Variants in NEK11 observed in about 807,000 individuals in gnomAD.
NEK11 encodes the protein NIMA related kinase 11.
NEK11 carries 72 observed loss-of-function variants against 80.7 expected under a neutral mutation model. The ratio of observed to expected loss-of-function variants is 0.89; its 90% CI spans 0.74 to 1.08. The LOEUF is 1.08. NEK11 is among the 50% of genes least tolerant of loss of function. NEK11 has a pLI of 0.00. For missense variants in NEK11, 764 were observed against 763.6 expected (o/e 1.00, Z -0.01); for synonymous variants, 251 against 260.7 (o/e 0.96, Z 0.36).
At chr3:131,075,119 C>T (rs1191573882) in intron 3 of NEK11, among the ~76,000 whole-genome samples, 1 of 152,174 alleles carries the variant, frequency 6.6e-6, no homozygotes. Flanking sequence ...TTAACCCCTG[C>T]TGTGTCCAAA....
chr3:131,338,124 G>A (rs1228517520), intron 17 of NEK11, among the ~76,000 whole-genome samples: 1 of 151,930 alleles, frequency 6.6e-6, no homozygotes, highest in Non-Finnish European at 1.5e-5. Flanking sequence ...ACGCCGCCAT[G>A]CCCGGCTTAT....
chr3:131,112,772 CAG>C (rs1484559478), intron 5 of NEK11, among the ~76,000 whole-genome samples: 1 of 152,088 alleles, frequency 6.6e-6, no homozygotes, highest in East Asian at 1.9e-4. Context: ...AGCACAGCCA[CAG>C]AGGTGGGAAA....
intron 14 of NEK11, among the ~76,000 whole-genome samples, chr3:131,200,857 T>C (rs1448767255): frequency 6.6e-6 from 1 of 152,214 alleles, no homozygotes. Flanking sequence ...GTGATTGGCT[T>C]TCTGTGCTGC....
At position 131,324,352 on chromosome 3, in the gene NEK11, T is replaced by C. The variant is rs371864816; in HGVS notation, c.1719-25205T>C. ...CCAAATGAAATGCAGATTTTAAAAT[T>C]CACTCTTAACTAAGGAAGCTGAATA... On this transcript the variant is annotated intron_variant, in intron 17 of 17. Transcript: ENST00000383366. Among the ~76,000 whole-genome samples the C allele has an allele frequency of 1.6e-4, 24 of 152,320 alleles. 1 individual carries two copies. Among genetic ancestry groups the C allele is most frequent in the African/African-American group, 5.8e-4 (24 of 41,574 alleles).
chr3:131,061,499 A>G (rs999418803), intron 3 of NEK11, among the ~76,000 whole-genome samples: 1 of 151,700 alleles, frequency 6.6e-6, no homozygotes, highest in South Asian at 2.1e-4. Flanking sequence ...GGTGTTGGCT[A>G]TATATAAAAT....
In NEK11 at chr3:131,098,539, T is replaced by A. The variant is rs143731088; in HGVS notation, c.337-11264T>A. Reference sequence around the variant, plus strand: ...CATATGTTTCTTGGCCACTTGTATATCTTCTTTTGAGGAGTGCCTGTTCAT... The same window carrying A: ...CATATGTTTCTTGGCCACTTGTATAACTTCTTTTGAGGAGTGCCTGTTCAT... On this transcript the variant is annotated intron_variant, in intron 4 of 17. Transcript: ENST00000383366. Among the ~76,000 whole-genome samples, 110 of 152,160 alleles carry A rather than the reference T, an allele frequency of 7.2e-4. 1 individual carries two copies. The highest frequency in any genetic ancestry group is 2.4e-3 in the African/African-American group (101 of 41,530).
At position 131,060,404 on chromosome 3, in the gene NEK11, C is replaced by T. The variant is rs75708859; in HGVS notation, c.171-20019C>T. On this transcript the variant is annotated intron_variant, in intron 3 of 17. Coordinates refer to ENST00000383366, the MANE Select transcript of NEK11 (RefSeq NM_024800.5). ...TCATCGAGGCAATTTATCTAGCCTTCTAATAATTCAATCCAAGTTTATCTG... is the reference window on the plus strand; with the variant it reads ...TCATCGAGGCAATTTATCTAGCCTTTTAATAATTCAATCCAAGTTTATCTG... 3.5e-3 allele frequency among the ~76,000 whole-genome samples: 526 copies of T among 152,238 alleles called. 8 individuals carry two copies. Among genetic ancestry groups the T allele is most frequent in the African/African-American group, 0.012 (501 of 41,532 alleles).
chr3:131,209,614 C>T (rs946805694), intron 14 of NEK11, among the ~76,000 whole-genome samples: 18 of 152,140 alleles, frequency 1.2e-4, no homozygotes, highest in African/African-American at 3.9e-4. Context: ...CCATCTGGTC[C>T]TGGACTTTTT....
intron 17 of NEK11, among the ~76,000 whole-genome samples, chr3:131,281,122 T>TTTA (rs201584725): frequency 0.018 from 2,788 of 152,338 alleles, 40 homozygotes; most frequent in East Asian, 0.084. Flanking sequence ...GGTTTATTGA[T>TTTA]TTCTTTTGCT....
intron 3 of NEK11, among the ~76,000 whole-genome samples, chr3:131,047,149 A>G (rs1288354975): frequency 6.6e-6 from 1 of 151,938 alleles, no homozygotes; most frequent in Non-Finnish European, 1.5e-5. Flanking sequence ...TTTATTATGT[A>G]TTCTATTTCA....
At chr3:131,117,986 C>T (rs1011127121) in intron 5 of NEK11, among the ~76,000 whole-genome samples, 2 of 152,106 alleles carry the variant, frequency 1.3e-5, no homozygotes, top group African/African-American at 2.4e-5. Context: ...GCCTGATTCC[C>T]CTGACCAGAA....
intron 17 of NEK11, among the ~76,000 whole-genome samples, chr3:131,331,596 C>G (rs1354167993): frequency 6.6e-6 from 1 of 152,190 alleles, no homozygotes; most frequent in African/African-American, 2.4e-5. Flanking sequence ...TAGGGAGTGC[C>G]AGACAGTGGG....
At chr3:131,291,912 C>T (rs1024142599) in intron 17 of NEK11, among the ~76,000 whole-genome samples, 5 of 152,140 alleles carry the variant, frequency 3.3e-5, no homozygotes, top group African/African-American at 7.2e-5. Context: ...ATTCTCTTGA[C>T]GTTGTCTTTC....
At chr3:131,249,099 A>C (rs2095654993) in intron 16 of NEK11, among the ~76,000 whole-genome samples, 1 of 152,070 alleles carries the variant, frequency 6.6e-6, no homozygotes, top group Non-Finnish European at 1.5e-5. Flanking sequence ...CATGACAAAA[A>C]AGGAAAAAAG....
chr3:131,227,151 G>A (rs1294507228), intron 14 of NEK11, among the ~76,000 whole-genome samples: 1 of 151,890 alleles, frequency 6.6e-6, no homozygotes, highest in Non-Finnish European at 1.5e-5. Context: ...TTGAATATAT[G>A]TAATTTTTGT....
chr3:131,238,829 G>A (rs1158030921), intron 15 of NEK11, among the ~76,000 whole-genome samples: 1 of 152,060 alleles, frequency 6.6e-6, no homozygotes, highest in Non-Finnish European at 1.5e-5. Context: ...GCTTTAGGTG[G>A]CATATACACA....
At chr3:131,087,432 T>G (rs1460872761) in intron 4 of NEK11, among the ~76,000 whole-genome samples, 2 of 151,806 alleles carry the variant, frequency 1.3e-5, no homozygotes, top group Admixed American at 1.3e-4. Flanking sequence ...TTAGTAAAGA[T>G]GGGGTTTCTC....
intron 15 of NEK11, among the ~76,000 whole-genome samples, chr3:131,240,939 C>T (rs145057769): frequency 6.5e-4 from 99 of 152,262 alleles, no homozygotes; most frequent in African/African-American, 2.1e-3. Flanking sequence ...CTGCTTGCTG[C>T]TGCCTAAACT....
At chr3:131,199,376 T>C (rs1299556759) in intron 14 of NEK11, among the ~76,000 whole-genome samples, 1 of 152,022 alleles carries the variant, frequency 6.6e-6, no homozygotes, top group Non-Finnish European at 1.5e-5. Flanking sequence ...AAAACTATAA[T>C]ATATCACAGT....
Sources: allele counts gnomAD v4.1 joint callset (sites outside exome capture counted in the v4.1 genomes callset), GRCh38; gene constraint gnomAD v4.1.1; transcripts MANE v1.5; gene names NCBI Gene and HGNC (gene_info 2026-07-23, HGNC 2026-07-21).